GABRR1: variants seen among roughly 807,000 people sequenced by gnomAD.
GABRR1 encodes the protein gamma-aminobutyric acid receptor subunit rho-1.
In GABRR1, 59 loss-of-function variants were observed where a neutral mutation model predicts 55.5. The ratio of observed to expected loss-of-function variants is 1.06; its 90% CI spans 0.86 to 1.32. GABRR1 has a LOEUF of 1.32. GABRR1 is among the 40% of genes most tolerant of loss of function. The probability of loss-of-function intolerance (pLI) is 0.00; values close to 1 mark genes in which losing one functional copy is unlikely to be tolerated. For synonymous variants in GABRR1, 213 were observed against 226.0 expected, an observed-to-expected ratio of 0.94 and a Z score of 0.51; for missense variants, 602 against 619.1, an observed-to-expected ratio of 0.97 and a Z score of 0.29.
At chr6:89,185,108 C>T (rs1233397876) in intron 7 of GABRR1, among the ~76,000 whole-genome samples, 3 of 152,136 alleles carry the variant, frequency 2.0e-5, no homozygotes, top group Non-Finnish European at 4.4e-5. Flanking sequence ...TTGTCTTGAA[C>T]TCCTAAGCTC....
chr6:89,208,939 C>T (rs1772738103), intron 1 of GABRR1, among the ~76,000 whole-genome samples: 1 of 152,224 alleles, frequency 6.6e-6, no homozygotes, highest in South Asian at 2.1e-4. Flanking sequence ...CAGCTTTGAC[C>T]TATCAGCTTC....
intron 4 of GABRR1, 106 bp downstream of exon 4, chr6:89,199,256 G>A (rs538547613): frequency 3.0e-5 from 30 of 985,294 alleles, no homozygotes; most frequent in South Asian, 1.1e-4. Context: ...GATTCCCACC[G>A]CCCAGGGCAG....
At chr6:89,223,560 T>C (rs1773145588) in intron 1 of GABRR1, among the ~76,000 whole-genome samples, 1 of 152,230 alleles carries the variant, frequency 6.6e-6, no homozygotes. Flanking sequence ...TCTGGATAGA[T>C]ACTCAGTAGC....
At chr6:89,190,029 G>C in intron 6 of GABRR1, 136 bp downstream of exon 6, 1 of 505,986 alleles carries the variant, frequency 2.0e-6, no homozygotes, top group Non-Finnish European at 3.4e-6. Flanking sequence ...CCAGGCGACA[G>C]TGTGAGACTC....
In GABRR1 at chr6:89,185,227, T is replaced by G. The variant is rs1771864152; in HGVS notation, c.796+83A>C. ...TGACACTGCTCACCTGACGACCAAT[T>G]CAAACCTTTCCTATAATAGAGGGTG... On this transcript the variant is annotated intron_variant, in intron 7 of 9. Transcript: ENST00000454853. 1.3e-5 allele frequency: 21 copies of G among 1,566,710 alleles called. No homozygotes were observed. The South Asian group carries it at 2.4e-4, about 18-fold the overall frequency.
upstream of GABRR1, chr6:89,217,419 A>G (rs1207089153): frequency 1.4e-6 from 2 of 1,404,524 alleles, no homozygotes. Flanking sequence ...TCATTATTAG[A>G]AGGATGTTTA....
At chr6:89,225,275 T>TA (rs1220363402) in intron 1 of GABRR1, among the ~76,000 whole-genome samples, 2 of 146,768 alleles carry the variant, frequency 1.4e-5, no homozygotes, top group African/African-American at 2.5e-5. Flanking sequence ...TTTTTTTTTT[T>TA]AATTATACTT....
In GABRR1 at chr6:89,181,969, C is replaced by G; in HGVS notation, c.885G>C (p.Met295Ile). The stretch of plus-strand genomic sequence containing the variant: ...AGAAGGACACCCAGGACAGCATGAC[C>G]ATCAGGGTAGCGGGGAAATAAGTTT... Reference protein sequence around the residue: ...LLQTYFPATLMVMLSWVSFWI... With the variant: ...LLQTYFPATLIVMLSWVSFWI... Residue 295 changes from methionine to isoleucine, a missense_variant, in exon 8 of 10, where the codon ATG becomes ATC. Physicochemically the swap from Met to Ile is conservative, Grantham distance 10 (BLOSUM62 1). Coordinates refer to ENST00000454853, the MANE Select transcript of GABRR1 (RefSeq NM_002042.5). 1 of 1,614,064 alleles carries G rather than the reference C, an allele frequency of 6.2e-7. No homozygotes were observed. Among genetic ancestry groups the G allele is most frequent in the Non-Finnish European group, 8.5e-7 (1 of 1,180,014 alleles).
intron 5 of GABRR1, among the ~76,000 whole-genome samples, chr6:89,194,044 T>C (rs752325892): frequency 6.6e-6 from 1 of 152,186 alleles, no homozygotes; most frequent in Non-Finnish European, 1.5e-5. Context: ...AGATTTGTCC[T>C]TACCTTAACC....
intron 1 of GABRR1, among the ~76,000 whole-genome samples, chr6:89,209,764 G>T (rs1772765314): frequency 6.6e-6 from 1 of 152,122 alleles, no homozygotes; most frequent in Non-Finnish European, 1.5e-5. Context: ...TCAGACTTCA[G>T]TGTGAATCCC....
intron 5 of GABRR1, among the ~76,000 whole-genome samples, chr6:89,196,109 T>C (rs180822851): frequency 1.3e-5 from 2 of 152,370 alleles, no homozygotes; most frequent in Admixed American, 6.5e-5. Flanking sequence ...AGTTTTTCAT[T>C]GTTTCACTTT....
intron 1 of GABRR1, among the ~76,000 whole-genome samples, chr6:89,208,291 C>A (rs1220986435): frequency 6.6e-6 from 1 of 152,188 alleles, no homozygotes; most frequent in Non-Finnish European, 1.5e-5. Flanking sequence ...ATGAGTTGAG[C>A]ATTTTGTATT....
At chr6:89,191,204 A>G (rs185699932) in intron 5 of GABRR1, among the ~76,000 whole-genome samples, 1 of 152,284 alleles carries the variant, frequency 6.6e-6, no homozygotes, top group African/African-American at 2.4e-5. Flanking sequence ...GTTGCATTCT[A>G]TCTATGAGGC....
Position 89,198,045 on chromosome 6 carries a change from C to T in GABRR1, c.547G>A (p.Asp183Asn). ...TDNVMLRVQP[D>N]GKVLYSLRVT... ...CTGAGACTATAGAGCACTTTCCCAT[C>T]AGGCTGGACCCGCAACATGACGTTG... Residue 183 changes from aspartate (D) to asparagine (N), a missense_variant, in exon 5 of 10, where the codon GAT (aspartate) becomes AAT (asparagine). Asp to Asn is a conservative substitution (Grantham distance 23). This residue lies in a region of GABRR1 where 435 missense variants were observed against 424.2 expected (regional missense o/e 1.03). Coordinates refer to ENST00000454853, the MANE Select transcript of GABRR1 (RefSeq NM_002042.5). The T allele has an allele frequency of 1.2e-6, 2 of 1,614,118 alleles. No individual in the cohort carries two copies. Among genetic ancestry groups the T allele is most frequent in the Non-Finnish European group, 1.7e-6 (2 of 1,180,016 alleles).
chr6:89,193,778 A>G (rs1015357649), intron 5 of GABRR1, among the ~76,000 whole-genome samples: 4 of 152,178 alleles, frequency 2.6e-5, no homozygotes, highest in African/African-American at 9.7e-5. Flanking sequence ...AAACAAACAT[A>G]TCACGCCAAG....
upstream of GABRR1, among the ~76,000 whole-genome samples, chr6:89,218,836 GTC>G (rs1255005800): frequency 1.3e-5 from 2 of 152,210 alleles, no homozygotes; most frequent in Non-Finnish European, 2.9e-5. Flanking sequence ...AGTAAGGAAA[GTC>G]ACTTCTAGGC....
At chr6:89,210,678 A>T (rs1772807677) in intron 1 of GABRR1, among the ~76,000 whole-genome samples, 1 of 152,150 alleles carries the variant, frequency 6.6e-6, no homozygotes, top group Non-Finnish European at 1.5e-5. Flanking sequence ...TGAATGAATG[A>T]AGTACAGGAA....
At chr6:89,198,788 C>T (rs1772379267) in intron 4 of GABRR1, among the ~76,000 whole-genome samples, 1 of 152,112 alleles carries the variant, frequency 6.6e-6, no homozygotes, top group African/African-American at 2.4e-5. Context: ...TTCCTCTCTC[C>T]CTTCCCCACT....
upstream of GABRR1, among the ~76,000 whole-genome samples, chr6:89,217,958 A>G (rs1015609774): frequency 1.3e-5 from 2 of 152,188 alleles, no homozygotes; most frequent in Non-Finnish European, 2.9e-5. Flanking sequence ...TTTCCTTGTC[A>G]GTTGCATTGT....
Sources: allele counts gnomAD v4.1 joint callset (sites outside exome capture counted in the v4.1 genomes callset), GRCh38; gene constraint gnomAD v4.1.1; regional missense constraint gnomAD v4.1.1; transcripts MANE v1.5; gene names NCBI Gene and HGNC (gene_info 2026-07-23, HGNC 2026-07-21).